Variants in HK2 observed in about 807,000 individuals in gnomAD.
HK2 encodes hexokinase 2.
HK2 carries 42 observed loss-of-function variants against 92.9 expected under a neutral mutation model. The observed-to-expected ratio is 0.45, with a 90% confidence interval of 0.35 to 0.58. The LOEUF (loss-of-function observed/expected upper bound fraction) is 0.58, where lower values mean the gene tolerates loss of function less well. Ranked by LOEUF, HK2 falls within the 20% of genes least tolerant of loss-of-function variation. The probability of loss-of-function intolerance (pLI) is 0.00; values close to 1 mark genes in which losing one functional copy is unlikely to be tolerated. For missense variants in HK2, 978 were observed against 1,245.1 expected, an observed-to-expected ratio of 0.79 and a Z score of 3.23; for synonymous variants, 422 against 468.0, an observed-to-expected ratio of 0.90 and a Z score of 1.27.
intron 2 of HK2, among the ~76,000 whole-genome samples, chr2:74,867,125 G>T (rs1483599320): frequency 6.6e-6 from 1 of 152,106 alleles, no homozygotes; most frequent in Non-Finnish European, 1.5e-5. Flanking sequence ...ATCGTTGGAT[G>T]CGAAACTGTC....
In HK2 at chr2:74,891,007, C is replaced by T. The variant is rs1221653613; in HGVS notation, c.*66C>T. 1.0e-5 allele frequency: 16 copies of T among 1,567,874 alleles called. No homozygotes were observed. Among genetic ancestry groups the T allele is most frequent in the Non-Finnish European group, 1.3e-5 (15 of 1,154,484 alleles). On this transcript the variant is annotated 3_prime_UTR_variant, in exon 18 of 18. Coordinates refer to ENST00000290573, the MANE Select transcript of HK2 (RefSeq NM_000189.5). ...TTCCCTGTTTTAAATTATAAGATGT[C>T]ATCCCCTTGTGTCAGAGACAGACCC... is the stretch of plus-strand genomic sequence containing the variant.
chr2:74,883,610 CCTT>C (rs1689452516), intron 12 of HK2, among the ~76,000 whole-genome samples: 1 of 152,350 alleles, frequency 6.6e-6, no homozygotes, highest in East Asian at 1.9e-4. Context: ...TCCTTCTCCT[CCTT>C]ATCTGAGAGA....
At position 74,882,135 on chromosome 2, in the gene HK2, G is replaced by T. The variant is rs1171428456; in HGVS notation, c.1735G>T (p.Val579Phe). ...CTCCCTGCAGCTCTTTGACCACATT[G>T]TCCAGTGCATCGCGGACTTCCTCGA... Reference protein sequence around the residue: ...GTGDELFDHIVQCIADFLEYM... With the variant: ...GTGDELFDHIFQCIADFLEYM... Residue 579 changes from valine (V) to phenylalanine (F), a missense_variant, in exon 12 of 18, where the codon GTC becomes TTC. Transcript: ENST00000290573. 1 of 1,614,082 alleles carries T rather than the reference G, an allele frequency of 6.2e-7. No homozygotes were observed. The highest frequency in any genetic ancestry group is 8.5e-7 in the Non-Finnish European group (1 of 1,180,034).
chr2:74,836,059 G>A (rs1283723692), intron 1 of HK2, among the ~76,000 whole-genome samples: 2 of 152,096 alleles, frequency 1.3e-5, no homozygotes, highest in Non-Finnish European at 2.9e-5. Flanking sequence ...CTAATTCCTG[G>A]GATGTGGCTC....
At chr2:74,877,485 C>T (rs988991955) in intron 8 of HK2, among the ~76,000 whole-genome samples, 164 bp downstream of exon 8, 15 of 152,162 alleles carry the variant, frequency 9.9e-5, no homozygotes, top group African/African-American at 3.6e-4. Flanking sequence ...CTTCACTTAC[C>T]AGTCTCCACT....
rs367965703 is a variant in HK2 at position 74,877,322 on chromosome 2, G to A, written c.1031+1G>A. On this transcript the variant is annotated splice_donor_variant, in intron 8 of 17. Transcript: ENST00000290573. LOFTEE classifies it high-confidence loss of function. ...CCAAAGACATCTCAGACATTGAAGG[G>A]TGAGCTTCTGGCCAGCCCCCTCTAT... 5 of 1,614,058 alleles carry A rather than the reference G, an allele frequency of 3.1e-6. No homozygotes were observed. The African/African-American group carries it at 6.7e-5, about 22-fold the overall frequency.
intron 2 of HK2, among the ~76,000 whole-genome samples, chr2:74,861,450 A>G (rs746286184): frequency 6.6e-6 from 1 of 152,078 alleles, no homozygotes; most frequent in Admixed American, 6.6e-5. Context: ...AAGAATTGAT[A>G]GCATTTAATG....
intron 9 of HK2, among the ~76,000 whole-genome samples, chr2:74,879,490 G>A (rs1317837684): frequency 2.0e-5 from 3 of 152,210 alleles, no homozygotes; most frequent in African/African-American, 7.2e-5. Context: ...ACTTGTCGGT[G>A]CAGGAGGCCT....
In HK2 at chr2:74,878,832, C is replaced by G. The variant is rs765479895; in HGVS notation, c.1176C>G (p.Ala392=). The change falls in exon 9 of 18, where the codon GCC becomes GCG. Residue 392 remains alanine, a synonymous_variant. Coordinates refer to ENST00000290573, the MANE Select transcript of HK2 (RefSeq NM_000189.5). ...GCCTGTGCGCAGCCACCCTGGCCGC[C>G]GTGCTGCAGCGCATCAAGGAGAACA... is the stretch of plus-strand genomic sequence containing the variant. ...SASLCAATLA[A]VLQRIKENKG... 1 of 1,556,680 alleles carries G rather than the reference C, an allele frequency of 6.4e-7. No homozygotes were observed. The highest frequency in any genetic ancestry group is 8.7e-7 in the Non-Finnish European group (1 of 1,149,676).
At chr2:74,866,646 ACAGTCTTCACC>A (rs1360872104) in intron 2 of HK2, among the ~76,000 whole-genome samples, 1 of 152,120 alleles carries the variant, frequency 6.6e-6, no homozygotes, top group Non-Finnish European at 1.5e-5. Flanking sequence ...GTGACACATG[ACAGTCTTCACC>A]CATCTGTGTC....
At chr2:74,856,684 A>AT (rs1384032090) in intron 2 of HK2, among the ~76,000 whole-genome samples, 1 of 152,204 alleles carries the variant, frequency 6.6e-6, no homozygotes, top group Non-Finnish European at 1.5e-5. Context: ...GTAAGTACAA[A>AT]TTTTATCCAC....
intron 1 of HK2, among the ~76,000 whole-genome samples, chr2:74,847,363 A>C (rs1245579868): frequency 6.6e-6 from 1 of 152,142 alleles, no homozygotes; most frequent in Non-Finnish European, 1.5e-5. Context: ...GAGAGTCATC[A>C]AACTGGCGAG....
rs998348210 is a variant in HK2, at chr2:74,892,386, C to G, written c.*1445C>G. The G allele has an allele frequency of 6.6e-6, 1 of 152,168 alleles. No individual in the cohort carries two copies. The allele number at this position is 152,168 out of a possible 1,614,324, so 9.4% of individuals were successfully genotyped here. A position where few individuals can be genotyped will look rare whatever the true frequency, so the allele number is the denominator to read the frequency against. The stretch of plus-strand genomic sequence containing the variant: ...TTGGGTTTGTATTTTAAATGTTTTA[C>G]AAGAATTGTCCATGTGCTTCCCTAG... On this transcript the variant is annotated 3_prime_UTR_variant, in exon 18 of 18. Transcript: ENST00000290573.
chr2:74,835,592 C>G (rs1558784312), intron 1 of HK2, among the ~76,000 whole-genome samples: 1 of 152,002 alleles, frequency 6.6e-6, no homozygotes, highest in African/African-American at 2.4e-5. Flanking sequence ...TCATTCCCCG[C>G]CTCGGGGTAT....
In HK2 at chr2:74,872,560, G is replaced by A. The variant is rs757832999; in HGVS notation, c.495+141G>A. On this transcript the variant is annotated intron_variant, in intron 4 of 17. Transcript: ENST00000290573. The stretch of plus-strand genomic sequence containing the variant: ...AAGTTCTGCCTTTCTGGGTGACTGT[G>A]TATGTCGATGGGGGGGCTGGTGAAG... The A allele has an allele frequency of 6.9e-6, 5 of 727,192 alleles. No individual in the cohort carries two copies. The African/African-American group carries it at 9.3e-5, about 13-fold the overall frequency. The allele number at this position is 727,192 out of a possible 1,614,324, so 45.0% of individuals were successfully genotyped here.
intron 3 of HK2, among the ~76,000 whole-genome samples, chr2:74,871,479 G>A (rs1337046531): frequency 6.6e-6 from 1 of 152,136 alleles, no homozygotes; most frequent in African/African-American, 2.4e-5. Flanking sequence ...AGCGTGTAGG[G>A]TGGGGCAAGA....
intron 11 of HK2, 128 bp downstream of exon 11, chr2:74,881,987 C>A: frequency 7.1e-7 from 1 of 1,410,314 alleles, no homozygotes; most frequent in South Asian, 1.2e-5. Context: ...GCAGCCTGGT[C>A]TTGACTCAGG....
chr2:74,858,329 T>A (rs900678509), intron 2 of HK2, among the ~76,000 whole-genome samples: 6 of 152,202 alleles, frequency 3.9e-5, no homozygotes, highest in African/African-American at 1.4e-4. Context: ...ATTTCCTTTC[T>A]TGCTGGCACG....
rs114963793 is a variant in HK2 at position 74,849,252 on chromosome 2, C to T, written c.64-5041C>T. ...GGGGTTAATTTGTCTTTAGGGCTTC[C>T]CCTGACACCAACCCCAATTCTGTAG... On this transcript the variant is annotated intron_variant, in intron 1 of 17. Coordinates refer to ENST00000290573, the MANE Select transcript of HK2 (RefSeq NM_000189.5). Among the ~76,000 whole-genome samples, 625 of 152,266 alleles carry T rather than the reference C, an allele frequency of 4.1e-3. 1 individual carries two copies. The highest frequency in any genetic ancestry group is 0.014 in the African/African-American group (597 of 41,536).
Sources: gnomAD v4.1 joint callset for allele counts (sites outside exome capture counted in the v4.1 genomes callset) on GRCh38, gnomAD v4.1.1 for gene constraint, MANE v1.5 for transcripts, NCBI Gene and HGNC (gene_info 2026-07-23, HGNC 2026-07-21) for gene names.